Variants in TOMM34 observed in about 807,000 individuals in gnomAD.
TOMM34 encodes the protein translocase of outer mitochondrial membrane 34.
A neutral mutation model predicts 37.4 loss-of-function variants in TOMM34; 24 were observed. The ratio of observed to expected loss-of-function variants is 0.64; its 90% CI spans 0.46 to 0.90. The LOEUF is 0.90. Ranked by LOEUF, TOMM34 falls within the 40% of genes least tolerant of loss-of-function variation. The pLI, the probability that TOMM34 is intolerant of heterozygous loss-of-function variation, is 0.00. For missense variants in TOMM34, 304 were observed against 375.6 expected (o/e 0.81, Z 1.58); for synonymous variants, 154 against 148.9 (o/e 1.03, Z -0.25).
rs533530359 is a variant in TOMM34 at position 44,953,679 on chromosome 20, T to C, written c.380+1389A>G. On this transcript the variant is annotated intron_variant, in intron 3 of 6. Transcript: ENST00000372813. ...TCCGACTGAATGTCAATAATCTGAG[T>C]GTCTTCTTCTATTCCTCCCTTCTCG... Among the ~76,000 whole-genome samples, 345 of 152,228 alleles carry C rather than the reference T, an allele frequency of 2.3e-3. 2 individuals are homozygous for C. Among genetic ancestry groups the C allele is most frequent in the Non-Finnish European group, 3.0e-3 (204 of 68,012 alleles).
chr20:44,947,059 C>G (rs1020670844), intron 5 of TOMM34, among the ~76,000 whole-genome samples: 13 of 152,124 alleles, frequency 8.5e-5, no homozygotes, highest in Non-Finnish European at 1.9e-4. Flanking sequence ...AACACAGCTC[C>G]AAATATGGTA....
At chr20:44,957,666 A>G (rs528215501) in intron 1 of TOMM34, among the ~76,000 whole-genome samples, 2 of 152,222 alleles carry the variant, frequency 1.3e-5, no homozygotes, top group East Asian at 1.9e-4. Flanking sequence ...TTTTAGAGAC[A>G]GCGTCTCCCT....
intron 1 of TOMM34, chr20:44,959,887 G>A (rs1431921442): frequency 1.0e-6 from 1 of 979,844 alleles, no homozygotes; most frequent in East Asian, 1.1e-4. Context: ...GGGACTTTTT[G>A]TGTCTTGTTA....
chr20:44,954,357 T>C (rs2067052175), intron 3 of TOMM34, among the ~76,000 whole-genome samples: 1 of 152,164 alleles, frequency 6.6e-6, no homozygotes, highest in African/African-American at 2.4e-5. Context: ...TGTCACATAA[T>C]TGGTAGATTT....
chr20:44,956,335 C>G (rs1158693549), intron 2 of TOMM34, 51 bp downstream of exon 2: 1 of 1,554,944 alleles, frequency 6.4e-7, no homozygotes, highest in Admixed American at 1.7e-5. Flanking sequence ...ATTAACCCAG[C>G]CTCCTCTTCT....
chr20:44,957,248 A>G lies in TOMM34; in HGVS notation c.128-763T>C, dbSNP rs556402514. Among the ~76,000 whole-genome samples the G allele has an allele frequency of 4.6e-5, 7 of 151,798 alleles. No homozygotes were observed. The East Asian group carries it at 1.4e-3, about 30-fold the overall frequency. ...TGTTGCCCAGCCTGGAGTGCAGTGG[A>G]GCGATCTCCGCTCACTGCAACTCCA... On this transcript the variant is annotated intron_variant, in intron 1 of 6. Coordinates refer to ENST00000372813, the MANE Select transcript of TOMM34 (RefSeq NM_006809.5).
chr20:44,952,655 A>G, intron 3 of TOMM34: 1 of 717,500 alleles, frequency 1.4e-6, no homozygotes, highest in Non-Finnish European at 2.6e-6. Context: ...TTCAGCTTAA[A>G]ATGCCACCCA....
intron 3 of TOMM34, among the ~76,000 whole-genome samples, chr20:44,954,022 A>C (rs1348682185): frequency 2.0e-5 from 3 of 152,214 alleles, no homozygotes; most frequent in Non-Finnish European, 4.4e-5. Context: ...ACCATGTGAA[A>C]CCGACTTCTT....
chr20:44,955,544 T>C (rs1396711434), intron 2 of TOMM34: 1 of 482,308 alleles, frequency 2.1e-6, no homozygotes, highest in Non-Finnish European at 4.1e-6. Flanking sequence ...TGTGGTCTAG[T>C]GGGAATAACA....
At chr20:44,949,582 T>G (rs758575713) in intron 4 of TOMM34, among the ~76,000 whole-genome samples, 40 of 152,184 alleles carry the variant, frequency 2.6e-4, no homozygotes, top group Non-Finnish European at 4.4e-4. Flanking sequence ...AATTAATTAT[T>G]CCAGCCTCAG....
chr20:44,958,972 G>A (rs940718963), intron 1 of TOMM34: 1 of 151,210 alleles, frequency 6.6e-6, no homozygotes, highest in Non-Finnish European at 1.5e-5. Flanking sequence ...GATGTGAGGA[G>A]AGGTCTAGCA....
intron 1 of TOMM34, 25 bp from the exon 2 acceptor site, chr20:44,956,510 G>T: frequency 6.2e-7 from 1 of 1,612,468 alleles, no homozygotes; most frequent in South Asian, 1.1e-5. Context: ...TGGGGAAGAT[G>T]ATCAGTTTGG....
At position 44,960,190 on chromosome 20, in the gene TOMM34, G is replaced by A. The variant is rs1410736687; in HGVS notation, c.127+17C>T. On this transcript the variant is annotated intron_variant, in intron 1 of 6. Transcript: ENST00000372813. ...GGAGGAGCAGGCCCGGAGGTGAGAT[G>A]GGGGCCGGGGTCGTACCTTGCGCCT... 1.9e-6 allele frequency: 3 copies of A among 1,551,130 alleles called. No individual in the cohort carries two copies. Among genetic ancestry groups the A allele is most frequent in the Non-Finnish European group, 2.6e-6 (3 of 1,148,904 alleles).
At chr20:44,956,874 A>T (rs868704993) in intron 1 of TOMM34, among the ~76,000 whole-genome samples, 1 of 123,054 alleles carries the variant, frequency 8.1e-6, no homozygotes, top group Non-Finnish European at 1.6e-5. Context: ...AGAAAGAAAG[A>T]AAAAAAAAAA....
At chr20:44,952,772 A>G (rs76377755) in intron 3 of TOMM34, 2 of 693,082 alleles carry the variant, frequency 2.9e-6, no homozygotes, top group South Asian at 3.0e-5. Context: ...TGCTAACTGT[A>G]TACTTTTTCT....
intron 3 of TOMM34, 61 bp downstream of exon 3, chr20:44,955,007 G>A (rs1252883655): frequency 1.1e-5 from 17 of 1,582,564 alleles, no homozygotes; most frequent in South Asian, 3.5e-5. Context: ...GCAATGGCCC[G>A]CAGCCAATCA....
intron 5 of TOMM34, among the ~76,000 whole-genome samples, chr20:44,944,490 T>C (rs1229226325): frequency 6.6e-6 from 1 of 152,202 alleles, no homozygotes; most frequent in Non-Finnish European, 1.5e-5. Flanking sequence ...TTCCAGTTTG[T>C]AAATAAGTGA....
chr20:44,945,247 C>T (rs970140415), intron 5 of TOMM34, among the ~76,000 whole-genome samples: 7 of 152,060 alleles, frequency 4.6e-5, no homozygotes, highest in African/African-American at 1.4e-4. Flanking sequence ...TCTACTAGTC[C>T]TTTGTGATTG....
rs772245329 is a variant in TOMM34 at position 44,960,209 on chromosome 20, T to TGCGCCTGCA, written c.116_124dup (p.Leu39_Ala41dup). ...TGAGATGGGGGCCGGGGTCGTACCT[T>TGCGCCTGCA]GCGCCTGCAGCACCCGCAGCGCGCG... is the stretch of plus-strand genomic sequence containing the variant. On this transcript the variant is annotated inframe_insertion, in exon 1 of 7. Coordinates refer to ENST00000372813, the MANE Select transcript of TOMM34 (RefSeq NM_006809.5). 5 of 1,558,354 alleles carry TGCGCCTGCA rather than the reference T, an allele frequency of 3.2e-6. No homozygotes were observed. In the Admixed American group the frequency reaches 7.6e-5, roughly 24 times the overall value.
Sources: allele counts gnomAD v4.1 joint callset (sites outside exome capture counted in the v4.1 genomes callset), GRCh38; gene constraint gnomAD v4.1.1; transcripts MANE v1.5; gene names NCBI Gene and HGNC (gene_info 2026-07-23, HGNC 2026-07-21).